The following CCSER1 variants were observed in gnomAD, a reference collection of about 807,000 sequenced individuals.
The protein encoded by CCSER1 is coiled-coil serine rich protein 1.
In CCSER1, 41 loss-of-function variants were observed where a neutral mutation model predicts 82.0. The ratio of observed to expected loss-of-function variants is 0.50; its 90% confidence interval spans 0.39 to 0.65. The LOEUF is 0.65. CCSER1 is among the 30% of genes least tolerant of loss of function. The probability of loss-of-function intolerance (pLI) is 0.00; values close to 1 mark genes in which losing one functional copy is unlikely to be tolerated. For missense variants in CCSER1, 1,119 were observed against 1,064.2 expected, an observed-to-expected ratio of 1.05 and a Z score of -0.72; for synonymous variants, 414 against 383.9, an observed-to-expected ratio of 1.08 and a Z score of -0.92.
At chr4:91,229,853 AG>A (rs987153403) in intron 10 of CCSER1, among the ~76,000 whole-genome samples, 4 of 152,090 alleles carry the variant, frequency 2.6e-5, no homozygotes, top group African/African-American at 9.7e-5. Flanking sequence ...GGGAAAAGGG[AG>A]GGAGAGCATT....
intron 7 of CCSER1, among the ~76,000 whole-genome samples, chr4:90,805,602 GAATACT>G (rs1184519024): frequency 6.6e-6 from 1 of 152,086 alleles, no homozygotes; most frequent in Non-Finnish European, 1.5e-5. Context: ...TTTTCAATAG[GAATACT>G]AGCAAAGGGT....
intron 10 of CCSER1, among the ~76,000 whole-genome samples, chr4:91,449,112 A>G (rs1356634350): frequency 6.6e-6 from 1 of 151,808 alleles, no homozygotes; most frequent in Non-Finnish European, 1.5e-5. Flanking sequence ...CAAATACAAA[A>G]CCCTCGAGAG....
rs375997127 is a variant in CCSER1, at chr4:90,810,832, C to CTTTTTTT, written c.2011-4918_2011-4912dup. 9.0e-4 allele frequency among the ~76,000 whole-genome samples: 102 copies of CTTTTTTT among 113,602 alleles called. 4 individuals carry two copies. Among genetic ancestry groups the CTTTTTTT allele is most frequent in the African/African-American group, 3.0e-3 (88 of 28,920 alleles). The allele number at this position is 113,602 out of a possible 152,430, so 74.5% of individuals were successfully genotyped here. On this transcript the variant is annotated intron_variant, in intron 7 of 10. Transcript: ENST00000509176. ...CTTTCTAGTGAAATAAAGAGTAATT[C>CTTTTTTT]TTTTTTTTTTTTTTTTTTGAGACGG... is the stretch of plus-strand genomic sequence containing the variant.
chr4:90,980,925 G>A (rs1736057213), intron 9 of CCSER1, among the ~76,000 whole-genome samples: 1 of 151,742 alleles, frequency 6.6e-6, no homozygotes, highest in Admixed American at 6.6e-5. Context: ...GCATGCTATT[G>A]GTGCCCTGCC....
intron 3 of CCSER1, among the ~76,000 whole-genome samples, chr4:90,355,224 C>T (rs1413530904): frequency 6.6e-6 from 1 of 151,774 alleles, no homozygotes; most frequent in Admixed American, 6.6e-5. Flanking sequence ...TAATGGCACA[C>T]ATTCTTCCTA....
chr4:90,544,581 C>T (rs550184670), intron 5 of CCSER1, among the ~76,000 whole-genome samples: 2 of 152,166 alleles, frequency 1.3e-5, no homozygotes, highest in East Asian at 1.9e-4. Context: ...TGTGGAGGCT[C>T]TGTTATGTAA....
At chr4:90,864,709 G>A (rs1465691012) in intron 8 of CCSER1, among the ~76,000 whole-genome samples, 3 of 152,008 alleles carry the variant, frequency 2.0e-5, no homozygotes, top group African/African-American at 7.2e-5. Flanking sequence ...AACATCCCTT[G>A]ACAATCTATG....
intron 1 of CCSER1, among the ~76,000 whole-genome samples, chr4:90,286,562 C>T (rs1015102478): frequency 1.8e-4 from 27 of 152,038 alleles, no homozygotes; most frequent in African/African-American, 6.0e-4. Context: ...ACTTGACTCA[C>T]AACTTAAAAT....
chr4:90,602,189 G>T (rs969813000), intron 5 of CCSER1, among the ~76,000 whole-genome samples: 4 of 151,992 alleles, frequency 2.6e-5, no homozygotes, highest in African/African-American at 9.7e-5. Flanking sequence ...GTATTTTGAA[G>T]CTCTGTTATT....
chr4:91,599,080 T>C lies in CCSER1; in HGVS notation c.*23T>C. On this transcript the variant is annotated 3_prime_UTR_variant, in exon 11 of 11. Transcript: ENST00000509176. ...TAATTAAATCACCGTATTCCTGTCT[T>C]TGGGTAGGATAAAGATGGTTAGTGT... 1.3e-6 allele frequency: 2 copies of C among 1,506,550 alleles called. No individual in the cohort carries two copies. The highest frequency in any genetic ancestry group is 5.0e-5 in the East Asian group (2 of 40,368). The allele number at this position is 1,506,550 out of a possible 1,614,324, so 93.3% of individuals were successfully genotyped here. A position where few individuals can be genotyped will look rare whatever the true frequency, so the allele number is the denominator to read the frequency against.
At chr4:90,907,702 G>A (rs1725711793) in intron 8 of CCSER1, among the ~76,000 whole-genome samples, 1 of 151,570 alleles carries the variant, frequency 6.6e-6, no homozygotes, top group Non-Finnish European at 1.5e-5. Context: ...TTTACCCGTT[G>A]TTTAATATCC....
intron 10 of CCSER1, among the ~76,000 whole-genome samples, chr4:91,471,045 A>G (rs781060249): frequency 3.3e-5 from 5 of 152,186 alleles, no homozygotes; most frequent in Non-Finnish European, 7.3e-5. Flanking sequence ...TGTAGATGCA[A>G]AAAGCCTACT....
At chr4:91,482,977 G>A (rs1305878165) in intron 10 of CCSER1, among the ~76,000 whole-genome samples, 1 of 152,036 alleles carries the variant, frequency 6.6e-6, no homozygotes, top group African/African-American at 2.4e-5. Flanking sequence ...ATAGCATTAG[G>A]AGATATACCT....
intron 9 of CCSER1, among the ~76,000 whole-genome samples, chr4:91,081,339 C>A (rs1392070917): frequency 6.6e-6 from 1 of 152,040 alleles, no homozygotes; most frequent in African/African-American, 2.4e-5. Flanking sequence ...GCAGAAAAGG[C>A]CTTCGATGAA....
At chr4:91,375,317 C>T (rs939382813) in intron 10 of CCSER1, among the ~76,000 whole-genome samples, 6 of 152,184 alleles carry the variant, frequency 3.9e-5, no homozygotes, top group East Asian at 1.9e-4. Flanking sequence ...TGTGATGGCA[C>T]GAAACATTGT....
intron 9 of CCSER1, among the ~76,000 whole-genome samples, chr4:91,053,614 C>T (rs1026314662): frequency 5.9e-5 from 9 of 152,132 alleles, no homozygotes; most frequent in Admixed American, 5.2e-4. Context: ...GGGAATTTAT[C>T]AATTTATTTA....
intron 8 of CCSER1, among the ~76,000 whole-genome samples, chr4:90,854,659 G>T (rs879298345): frequency 1.3e-5 from 2 of 151,866 alleles, no homozygotes; most frequent in Non-Finnish European, 2.9e-5. Context: ...TTACTTAATG[G>T]TATAGGTGGA....
chr4:90,458,269 C>T (rs1031972117), intron 4 of CCSER1, among the ~76,000 whole-genome samples: 5 of 152,198 alleles, frequency 3.3e-5, no homozygotes, highest in African/African-American at 4.8e-5. Context: ...GCCCCAGCTA[C>T]ACCTCCCACA....
intron 7 of CCSER1, among the ~76,000 whole-genome samples, chr4:90,778,266 T>C (rs1451050283): frequency 2.0e-5 from 3 of 152,106 alleles, no homozygotes. Flanking sequence ...TCAGTGGCAA[T>C]TGGAAGACTA....
Sources: gnomAD v4.1 joint callset for allele counts (sites outside exome capture counted in the v4.1 genomes callset) on GRCh38, gnomAD v4.1.1 for gene constraint, MANE v1.5 for transcripts, NCBI Gene and HGNC (gene_info 2026-07-23, HGNC 2026-07-21) for gene names.